The following CILP variants were observed in gnomAD, a reference collection of about 807,000 sequenced individuals.
CILP encodes the protein cartilage intermediate layer protein 1.
CILP carries 75 observed loss-of-function variants against 82.5 expected under a neutral mutation model. The ratio of observed to expected loss-of-function variants is 0.91; its 90% CI spans 0.75 to 1.10. The LOEUF (loss-of-function observed/expected upper bound fraction) is 1.10. Ranked by LOEUF, CILP falls within the 50% of genes least tolerant of loss-of-function variation. CILP has a pLI of 0.00. For missense variants in CILP, 1,479 were observed against 1,530.8 expected (o/e 0.97, Z 0.56); for synonymous variants, 530 against 580.3 (o/e 0.91, Z 1.25).
At chr15:65,208,717 C>T (rs2088548896) in intron 2 of CILP, among the ~76,000 whole-genome samples, 1 of 152,148 alleles carries the variant, frequency 6.6e-6, no homozygotes, top group Admixed American at 6.5e-5. Context: ...AAGGAGAATG[C>T]GGAGCAGAGG....
chr15:65,208,747 G>A (rs753031570), intron 2 of CILP, among the ~76,000 whole-genome samples: 2 of 152,188 alleles, frequency 1.3e-5, no homozygotes, highest in East Asian at 3.8e-4. Context: ...GCTTTGACAG[G>A]CAATTAACGC....
intron 1 of CILP, among the ~76,000 whole-genome samples, chr15:65,210,831 C>T (rs1320507487): frequency 1.3e-5 from 2 of 152,194 alleles, no homozygotes; most frequent in Admixed American, 1.3e-4. Context: ...CTGGCCCCAC[C>T]ACTACCTGTT....
In CILP at chr15:65,203,335, G is replaced by A. The variant is rs374924369; in HGVS notation, c.1028+27C>T. The stretch of plus-strand genomic sequence containing the variant: ...AGCTCTGGTTTCCAGGAGGAGAATT[G>A]GGCAGGGTAGCTAGCAGAATACGCA... On this transcript the variant is annotated intron_variant, in intron 7 of 8. Transcript: ENST00000261883. The A allele has an allele frequency of 1.5e-5, 23 of 1,504,680 alleles. No homozygotes were observed. In the African/African-American group the frequency reaches 2.9e-4, roughly 19 times the overall value. The allele number at this position is 1,504,680 out of a possible 1,614,324, so 93.2% of individuals were successfully genotyped here.
In CILP at chr15:65,199,083, A is replaced by C. The variant is rs763542844; in HGVS notation, c.1203T>G (p.Pro401=). 1 of 1,593,844 alleles carries C rather than the reference A, an allele frequency of 6.3e-7. No homozygotes were observed. Among genetic ancestry groups the C allele is most frequent in the African/African-American group, 1.3e-5 (1 of 74,836 alleles). ...QLIVIASDET[P]CNPVPESYLI... is the part of the protein sequence containing the mutation. ...GATAGCTCTCAGGAACTGGGTTGCA[A>C]GGAGTCTCATCAGATGCTGTGTAGG... Residue 401 remains proline (P), a synonymous_variant, in exon 9 of 9, where the codon CCT becomes CCG. Coordinates refer to ENST00000261883, the MANE Select transcript of CILP (RefSeq NM_003613.4).
rs765292514 is a variant in CILP, at chr15:65,205,443, G to T, written c.448C>A (p.Arg150Ser). ...CAGGGAGACCATGGGCTCCAGATGC[G>T]CTCTGTGTCTCGGCGCAGGGATCCT... Reference protein sequence around the residue: ...PPGSLRRDTERIWSPWSPWSK... With the variant: ...PPGSLRRDTESIWSPWSPWSK... Residue 150 changes from arginine to serine, a missense_variant, in exon 5 of 9, where the codon CGC becomes AGC. By Grantham distance (110) the Arg-to-Ser change is moderately radical (BLOSUM62 -1). Coordinates refer to ENST00000261883, the MANE Select transcript of CILP (RefSeq NM_003613.4). The T allele has an allele frequency of 3.7e-6, 6 of 1,611,316 alleles. No homozygotes were observed. Among genetic ancestry groups the T allele is most frequent in the Non-Finnish European group, 5.1e-6 (6 of 1,177,824 alleles).
chr15:65,205,051 A>G (rs185233093), intron 5 of CILP, among the ~76,000 whole-genome samples: 95 of 151,900 alleles, frequency 6.3e-4, no homozygotes, highest in South Asian at 5.0e-3. Context: ...CTTAGCCCAA[A>G]ACACCTCCTC....
chr15:65,197,010 G>A lies in CILP; in HGVS notation c.3276C>T (p.Leu1092=), dbSNP rs144863148. ...CGGATGTGCCATCAAAGCACCGGCCGAGCGCGATCTCCTTGGCCGTGCGAG... is the reference window on the plus strand; with the variant it reads ...CGGATGTGCCATCAAAGCACCGGCCAAGCGCGATCTCCTTGGCCGTGCGAG... The part of the protein sequence containing the change: ...QDPRTAKEIA[L]GRCFDGTSDG... Residue 1092 remains leucine (L), a synonymous_variant, in exon 9 of 9, where the codon CTC becomes CTT. Coordinates refer to ENST00000261883, the MANE Select transcript of CILP (RefSeq NM_003613.4). 119 of 1,614,184 alleles carry A rather than the reference G, an allele frequency of 7.4e-5. No homozygotes were observed. Among genetic ancestry groups the A allele is most frequent in the South Asian group, 6.4e-4 (58 of 91,072 alleles).
At chr15:65,199,393 CATATTGT>C (rs2088423492) in intron 8 of CILP, among the ~76,000 whole-genome samples, 1 of 152,194 alleles carries the variant, frequency 6.6e-6, no homozygotes, top group Non-Finnish European at 1.5e-5. Flanking sequence ...ATGCTACTGG[CATATTGT>C]GGGTAGGGGC....
At position 65,204,212 on chromosome 15, in the gene CILP, C is replaced by T; in HGVS notation, c.919+56G>A. 5 of 1,509,070 alleles carry T rather than the reference C, an allele frequency of 3.3e-6. 1 individual carries two copies. The South Asian group carries it at 5.9e-5, about 18-fold the overall frequency. 93.5% of individuals were successfully genotyped at this position (1,509,070 alleles called of 1,614,324 possible). On this transcript the variant is annotated intron_variant, in intron 6 of 8. Coordinates refer to ENST00000261883, the MANE Select transcript of CILP (RefSeq NM_003613.4). ...GAAGCCAGCTTTTAGCACTATAATC[C>T]CTTTATTTAAAAATCTGGACCTTCT...
rs2088565924 is a variant in CILP, at chr15:65,209,865, T to C, written c.-106-4A>G. The C allele has an allele frequency of 7.2e-6, 6 of 833,402 alleles. No individual in the cohort carries two copies. Among genetic ancestry groups the C allele is most frequent in the South Asian group, 3.1e-5 (2 of 64,884 alleles). 51.6% of individuals were successfully genotyped at this position (833,402 alleles called of 1,614,324 possible). ...GAAGTTTCTCAGATCCAGTGACCTG[T>C]AAAGAAACAAAGCTTGTCAGGTTTC... On this transcript the variant is annotated splice_polypyrimidine_tract_variant and splice_region_variant and intron_variant, in intron 1 of 8. Coordinates refer to ENST00000261883, the MANE Select transcript of CILP (RefSeq NM_003613.4).
Position 65,198,207 on chromosome 15 carries a change from T to C in CILP, c.2079A>G (p.Ile693Met). 6.2e-7 allele frequency: 1 copy of C among 1,614,276 alleles called. No homozygotes were observed. The highest frequency in any genetic ancestry group is 8.5e-7 in the Non-Finnish European group (1 of 1,180,050). The change falls in exon 9 of 9, where the codon ATA (isoleucine) becomes ATG (methionine). Residue 693 changes from isoleucine (I) to methionine (M), a missense_variant. By Grantham distance (10) the Ile-to-Met change is conservative (BLOSUM62 1). Transcript: ENST00000261883. ...DSTQVKMPEH[I>M]STVKLWSLNP... The stretch of plus-strand genomic sequence containing the variant: ...TGAGTGACCAGAGTTTCACTGTGGA[T>C]ATGTGCTCTGGCATCTTGACCTGGG...
At chr15:65,199,652 G>A (rs1293013899) in intron 8 of CILP, among the ~76,000 whole-genome samples, 1 of 152,134 alleles carries the variant, frequency 6.6e-6, no homozygotes, top group Non-Finnish European at 1.5e-5. Flanking sequence ...ATGAAACCCT[G>A]TCTCTACAAA....
intron 4 of CILP, among the ~76,000 whole-genome samples, chr15:65,205,911 G>A (rs545059208): frequency 4.9e-4 from 75 of 152,322 alleles, no homozygotes; most frequent in Non-Finnish European, 8.1e-4. Context: ...CTGGCCTGAG[G>A]CCTGTGTACA....
intron 7 of CILP, 52 bp from the exon 8 acceptor site, chr15:65,202,081 TC>T (rs763191091): frequency 6.9e-7 from 1 of 1,438,952 alleles, no homozygotes; most frequent in Admixed American, 2.5e-5. Context: ...GGGCAGGTAT[TC>T]CTAGAAAAGT....
In CILP at chr15:65,203,357, C is replaced by T. The variant is rs369375640; in HGVS notation, c.1028+5G>A. The T allele has an allele frequency of 3.5e-5, 56 of 1,605,214 alleles. No homozygotes were observed. The highest frequency in any genetic ancestry group is 8.3e-5 in the Admixed American group (5 of 59,956). On this transcript the variant is annotated splice_donor_5th_base_variant and intron_variant, in intron 7 of 8. Coordinates refer to ENST00000261883, the MANE Select transcript of CILP (RefSeq NM_003613.4). ...ATTGGGCAGGGTAGCTAGCAGAATA[C>T]GCACCAAAAATACTTGTCTGGCCTG...
In CILP at chr15:65,197,548, C is replaced by A. The variant is rs760774918; in HGVS notation, c.2738G>T (p.Arg913Leu). Residue 913 changes from arginine (R) to leucine (L), a missense_variant, in exon 9 of 9, where the codon CGG becomes CTG. Arg to Leu is a moderately radical substitution (Grantham distance 102, BLOSUM62 -2). Coordinates refer to ENST00000261883, the MANE Select transcript of CILP (RefSeq NM_003613.4). ...TCGATCCCCCTCAATCTGGTAGAAC[C>A]GGAAGTGGGCTGCACTGGGTGGTGC... ...EEAPPSAAHF[R>L]FYQIEGDRYD... 5 of 1,614,084 alleles carry A rather than the reference C, an allele frequency of 3.1e-6. No individual in the cohort carries two copies. The East Asian group carries it at 6.7e-5, about 22-fold the overall frequency.
At position 65,198,474 on chromosome 15, in the gene CILP, T is replaced by C. The variant is rs1566993407; in HGVS notation, c.1812A>G (p.Pro604=). ...CATTCTGCCTGTAGAAACTCCTGGATGGAATCTCCAGTTCAGCCATGGGGT... is the reference window on the plus strand; with the variant it reads ...CATTCTGCCTGTAGAAACTCCTGGACGGAATCTCCAGTTCAGCCATGGGGT... ...GEDPMAELEI[P]SRSFYRQNGE... The change falls in exon 9 of 9, where the codon CCA becomes CCG. Residue 604 remains proline, a synonymous_variant. Transcript: ENST00000261883. 1 of 1,614,224 alleles carries C rather than the reference T, an allele frequency of 6.2e-7. No individual in the cohort carries two copies. Among genetic ancestry groups the C allele is most frequent in the Non-Finnish European group, 8.5e-7 (1 of 1,180,034 alleles).
At position 65,206,647 on chromosome 15, in the gene CILP, T is replaced by C. The variant is rs1319352517; in HGVS notation, c.424+135A>G. 15 of 978,718 alleles carry C rather than the reference T, an allele frequency of 1.5e-5. 1 individual carries two copies. The highest frequency in any genetic ancestry group is 7.2e-5 in the East Asian group (3 of 41,422). The allele number at this position is 978,718 out of a possible 1,614,324, so 60.6% of individuals were successfully genotyped here. ...CAAGCATATGCATGTGTGTCACTAC[T>C]TGTTATTATTACAGAGTCCAAGCAT... is the stretch of plus-strand genomic sequence containing the variant. On this transcript the variant is annotated intron_variant, in intron 4 of 8. Coordinates refer to ENST00000261883, the MANE Select transcript of CILP (RefSeq NM_003613.4).
intron 2 of CILP, 36 bp from the exon 3 acceptor site, chr15:65,207,800 G>T: frequency 6.4e-7 from 1 of 1,564,908 alleles, no homozygotes; most frequent in Non-Finnish European, 8.8e-7. Context: ...TGAGAGGCCA[G>T]GACTGGAAGT....
Sources: gnomAD v4.1 joint callset for allele counts (sites outside exome capture counted in the v4.1 genomes callset) on GRCh38, gnomAD v4.1.1 for gene constraint, MANE v1.5 for transcripts, NCBI Gene and HGNC (gene_info 2026-07-23, HGNC 2026-07-21) for gene names.